The following USP34 variants were observed in gnomAD, a reference collection of about 807,000 sequenced individuals.
USP34 encodes ubiquitin specific peptidase 34.
A neutral mutation model predicts 460.3 loss-of-function variants in USP34; 70 were observed. The observed-to-expected ratio is 0.15, with a 90% CI of 0.13 to 0.19. The LOEUF (loss-of-function observed/expected upper bound fraction) is 0.19. Among genes scored for constraint, USP34 ranks in the 10% least tolerant of loss-of-function variants. USP34 has a pLI of 1.00. For synonymous variants in USP34, 1,647 were observed against 1,405.3 expected, an observed-to-expected ratio of 1.17 and a Z score of -3.85; for missense variants, 3,985 against 4,236.2, an observed-to-expected ratio of 0.94 and a Z score of 1.65.
intron 53 of USP34, among the ~76,000 whole-genome samples, chr2:61,239,609 AATG>A (rs1275162214): frequency 6.6e-6 from 1 of 152,206 alleles, no homozygotes; most frequent in Non-Finnish European, 1.5e-5. Context: ...CTTCAAATCT[AATG>A]AAGCCATTTA....
chr2:61,311,561 T>C lies in USP34; in HGVS notation c.3796A>G (p.Asn1266Asp). The C allele has an allele frequency of 1.2e-6, 2 of 1,600,540 alleles. No individual in the cohort carries two copies. Among genetic ancestry groups the C allele is most frequent in the Non-Finnish European group, 8.5e-7 (1 of 1,175,322 alleles). Residue 1266 changes from asparagine (N) to aspartate (D), a missense_variant, in exon 27 of 80, where the codon AAC (asparagine) becomes GAC (aspartate). By Grantham distance (23) the Asn-to-Asp change is conservative. Around this residue, in one of 14 missense-constraint regions of USP34, gnomAD observed 1,114 missense variants for 1,122.5 expected, o/e 0.99. Coordinates refer to ENST00000398571, the MANE Select transcript of USP34 (RefSeq NM_014709.4). ...QAQLQEFGQS[N>D]RKGEFPGGLM... ...TTACCAGGAAACTCTCCTTTTCGGT[T>C]GCTTTGACCAAACTCCTGAAGCTGA... is the stretch of plus-strand genomic sequence containing the variant.
At chr2:61,427,663 A>G (rs1242230700) in intron 1 of USP34, among the ~76,000 whole-genome samples, 2 of 152,244 alleles carry the variant, frequency 1.3e-5, no homozygotes, top group Non-Finnish European at 2.9e-5. Flanking sequence ...ACTCCAGCAG[A>G]AATTCTGGAG....
In USP34 at chr2:61,449,863, C is replaced by T. The variant is rs540198816; in HGVS notation, c.43+20787G>A. Reference sequence around the variant, plus strand: ...TGGGTGGATCACGAAGTCAGGAGTGCGAGACCAGCCTGGCCAATATGGTGA... The same window carrying T: ...TGGGTGGATCACGAAGTCAGGAGTGTGAGACCAGCCTGGCCAATATGGTGA... On this transcript the variant is annotated intron_variant, in intron 1 of 79. Transcript: ENST00000398571. Among the ~76,000 whole-genome samples, 8 of 152,104 alleles carry T rather than the reference C, an allele frequency of 5.3e-5. No homozygotes were observed. In the East Asian group the frequency reaches 1.2e-3, roughly 22 times the overall value.
intron 5 of USP34, among the ~76,000 whole-genome samples, chr2:61,386,890 G>T (rs181349809): frequency 7.9e-5 from 12 of 152,216 alleles, no homozygotes; most frequent in South Asian, 2.1e-4. Flanking sequence ...AAAGAAAAAT[G>T]ACAAACTGTA....
In USP34 at chr2:61,350,390, C is replaced by CT; in HGVS notation, c.1378-2dup. The CT allele has an allele frequency of 6.3e-7, 1 of 1,599,470 alleles. No homozygotes were observed. The highest frequency in any genetic ancestry group is 8.5e-7 in the Non-Finnish European group (1 of 1,175,210). ...TTAACATGGATGCCAAGTACAGTGT[C>CT]TAAAAAAAAGAGGGAGAGATTTCAG... On this transcript the variant is annotated splice_acceptor_variant, in intron 11 of 79. Transcript: ENST00000398571. LOFTEE classifies it high-confidence loss of function.
chr2:61,441,041 T>C (rs1694950210), intron 1 of USP34, among the ~76,000 whole-genome samples: 1 of 149,196 alleles, frequency 6.7e-6, no homozygotes, highest in Admixed American at 6.7e-5. Flanking sequence ...GGCAGGAGAA[T>C]GGCATGAAAC....
chr2:61,319,637 G>A (rs1220328625), intron 21 of USP34, among the ~76,000 whole-genome samples: 2 of 151,442 alleles, frequency 1.3e-5, no homozygotes, highest in South Asian at 2.1e-4. Context: ...CTGAGCTTGG[G>A]AGATCCAGAC....
chr2:61,386,827 T>A (rs1287066630), intron 5 of USP34, among the ~76,000 whole-genome samples: 1 of 152,096 alleles, frequency 6.6e-6, no homozygotes, highest in Non-Finnish European at 1.5e-5. Context: ...AGTATCTTCA[T>A]GGCCTTAGAG....
At chr2:61,239,550 TATG>T (rs1484349055) in intron 53 of USP34, among the ~76,000 whole-genome samples, 3 of 152,188 alleles carry the variant, frequency 2.0e-5, no homozygotes, top group Non-Finnish European at 4.4e-5. Context: ...TAATTGTGGT[TATG>T]ATGATGATTG....
rs776275406 is a variant in USP34, at chr2:61,280,339, A to C, written c.5161T>G (p.Tyr1721Asp). The C allele has an allele frequency of 1.8e-5, 27 of 1,507,786 alleles. No homozygotes were observed. In the South Asian group the frequency reaches 3.5e-4, roughly 20 times the overall value. The allele number at this position is 1,507,786 out of a possible 1,614,324, so 93.4% of individuals were successfully genotyped here. Residue 1721 changes from tyrosine to aspartate, a missense_variant, in exon 39 of 80, where the codon TAT (tyrosine) becomes GAT (aspartate). Transcript: ENST00000398571. ...GGTTTTAATATTGGTTCTTCCTCAT[A>C]ATCATCTATCTATTAAAAAAATTTT... Reference protein sequence around the residue: ...QALKPIRIDDYEEEPILKPGC... With the variant: ...QALKPIRIDDDEEEPILKPGC...
chr2:61,251,272 A>G (rs896499067), intron 48 of USP34, among the ~76,000 whole-genome samples: 9 of 152,220 alleles, frequency 5.9e-5, no homozygotes, highest in Admixed American at 2.0e-4. Flanking sequence ...AGTACTGTAA[A>G]AATTATCTAT....
chr2:61,239,345 CACACACAG>C (rs1375598920), intron 53 of USP34, among the ~76,000 whole-genome samples: 1 of 143,200 alleles, frequency 7.0e-6, no homozygotes, highest in Non-Finnish European at 1.5e-5. Context: ...CACACACACA[CACACACAG>C]AAGTTTGAGA....
chr2:61,259,744 A>T lies in USP34; in HGVS notation c.5811T>A (p.Leu1937=). The part of the protein sequence containing the change: ...YSEDMKHKTT[L]LELQKMFTYL... Reference sequence around the variant, plus strand: ...ATGTAAACATTTTCTGAAGCTCCAGAAGAGTGGTCTTGTGCTTCATATCCT... The same window carrying T: ...ATGTAAACATTTTCTGAAGCTCCAGTAGAGTGGTCTTGTGCTTCATATCCT... Residue 1937 remains leucine (L), a synonymous_variant, in exon 44 of 80, where the codon CTT becomes CTA. Coordinates refer to ENST00000398571, the MANE Select transcript of USP34 (RefSeq NM_014709.4). 6.2e-7 allele frequency: 1 copy of T among 1,613,492 alleles called. No individual in the cohort carries two copies. The highest frequency in any genetic ancestry group is 1.6e-4 in the Middle Eastern group (1 of 6,062).
intron 75 of USP34, among the ~76,000 whole-genome samples, chr2:61,199,060 C>G (rs530212522): frequency 6.6e-6 from 1 of 152,100 alleles, no homozygotes; most frequent in Non-Finnish European, 1.5e-5. Context: ...AACATTTTCC[C>G]AATTAGCTGT....
intron 1 of USP34, among the ~76,000 whole-genome samples, chr2:61,439,962 G>C (rs1166575370): frequency 6.6e-6 from 1 of 152,086 alleles, no homozygotes; most frequent in African/African-American, 2.4e-5. Flanking sequence ...GGGAGGACAG[G>C]GGCATCCTAG....
At chr2:61,324,932 A>G (rs529598179) in intron 21 of USP34, among the ~76,000 whole-genome samples, 1 of 152,300 alleles carries the variant, frequency 6.6e-6, no homozygotes, top group South Asian at 2.1e-4. Context: ...GAATGAAATC[A>G]TGTCCTTTGC....
chr2:61,311,959 T>C (rs1205036478), intron 25 of USP34, 49 bp from the exon 26 acceptor site: 7 of 1,585,614 alleles, frequency 4.4e-6, no homozygotes, highest in East Asian at 2.2e-5. Flanking sequence ...TTTTAAACCA[T>C]TTTAATGTTA....
intron 47 of USP34, 40 bp from the exon 48 acceptor site, chr2:61,256,518 T>C: frequency 1.1e-5 from 16 of 1,441,552 alleles, no homozygotes; most frequent in Non-Finnish European, 1.5e-5. Context: ...ATATTATTGT[T>C]TATAGCATGC....
intron 3 of USP34, among the ~76,000 whole-genome samples, chr2:61,400,427 T>A (rs1250260022): frequency 6.6e-6 from 1 of 152,086 alleles, no homozygotes; most frequent in Non-Finnish European, 1.5e-5. Flanking sequence ...GGCAATTCTA[T>A]GTAAATTAAG....
Sources: allele counts gnomAD v4.1 joint callset (sites outside exome capture counted in the v4.1 genomes callset), GRCh38; gene constraint gnomAD v4.1.1; regional missense constraint gnomAD v4.1.1; transcripts MANE v1.5; gene names NCBI Gene and HGNC (gene_info 2026-07-23, HGNC 2026-07-21).